The following ATP8B4 variants were observed in gnomAD, a reference collection of about 807,000 sequenced individuals.
The protein encoded by ATP8B4 is ATPase phospholipid transporting 8B4 (putative), also known as probable phospholipid-transporting ATPase IM.
In ATP8B4, 133 loss-of-function variants were observed where a neutral mutation model predicts 145.6. The ratio of observed to expected loss-of-function variants is 0.91; its 90% CI spans 0.79 to 1.05. The LOEUF (loss-of-function observed/expected upper bound fraction) is 1.05. Among genes scored for constraint, ATP8B4 ranks in the 50% least tolerant of loss-of-function variants. The pLI is 0.00. For synonymous variants in ATP8B4, 507 were observed against 492.9 expected (o/e 1.03, Z -0.38); for missense variants, 1,458 against 1,425.2 (o/e 1.02, Z -0.37).
chr15:49,996,091 G>A (rs1418269769), intron 9 of ATP8B4, among the ~76,000 whole-genome samples: 20 of 152,182 alleles, frequency 1.3e-4, no homozygotes, highest in African/African-American at 3.9e-4. Context: ...ACTGAAGATC[G>A]GGGACCAGCT....
chr15:49,994,951 G>A (rs187741350), intron 9 of ATP8B4, among the ~76,000 whole-genome samples: 34 of 152,220 alleles, frequency 2.2e-4, no homozygotes, highest in African/African-American at 7.7e-4. Context: ...CTTACCCTTA[G>A]CCCAGTGCAG....
chr15:49,903,382 G>A (rs1354030565), intron 20 of ATP8B4, among the ~76,000 whole-genome samples: 1 of 152,136 alleles, frequency 6.6e-6, no homozygotes, highest in African/African-American at 2.4e-5. Flanking sequence ...TTTCCAAGCT[G>A]CGTAATGAAG....
At chr15:50,142,345 C>CTG (rs1460918589) in intron 1 of ATP8B4, among the ~76,000 whole-genome samples, 2 of 152,124 alleles carry the variant, frequency 1.3e-5, no homozygotes, top group African/African-American at 4.8e-5. Context: ...ATCCAGGACA[C>CTG]AACTCAGAGT....
intron 8 of ATP8B4, 54 bp downstream of exon 8, chr15:50,002,099 T>C: frequency 2.1e-6 from 3 of 1,414,786 alleles, no homozygotes; most frequent in South Asian, 2.5e-5. Flanking sequence ...TCTAAAGACA[T>C]TACTTTTAAA....
At chr15:49,888,338 A>G (rs952171455) in intron 23 of ATP8B4, among the ~76,000 whole-genome samples, 1 of 152,182 alleles carries the variant, frequency 6.6e-6, no homozygotes, top group Non-Finnish European at 1.5e-5. Flanking sequence ...TCACTTTCCA[A>G]ACTTTTTGTT....
chr15:50,105,231 T>C (rs2056611887), intron 2 of ATP8B4, among the ~76,000 whole-genome samples: 1 of 143,442 alleles, frequency 7.0e-6, no homozygotes, highest in African/African-American at 2.6e-5. Flanking sequence ...ACACTACCTA[T>C]TCCCCAAAAA....
At chr15:50,100,747 T>C (rs1188100429) in intron 2 of ATP8B4, among the ~76,000 whole-genome samples, 1 of 152,168 alleles carries the variant, frequency 6.6e-6, no homozygotes, top group Non-Finnish European at 1.5e-5. Context: ...CTCAGCTTTC[T>C]CTGCCAGTCA....
intron 20 of ATP8B4, chr15:49,901,662 A>G (rs1002049625): frequency 7.0e-6 from 2 of 285,478 alleles, no homozygotes; most frequent in South Asian, 6.4e-5. Flanking sequence ...GAATTCCAGG[A>G]CATCTATATA....
chr15:49,964,477 T>C (rs2413989), intron 13 of ATP8B4, among the ~76,000 whole-genome samples: 65,037 of 151,980 alleles, frequency 0.43, 15,910 homozygotes, highest in Non-Finnish European at 0.54. Flanking sequence ...TTTAGATAAA[T>C]TAAAGTCAAA....
intron 13 of ATP8B4, among the ~76,000 whole-genome samples, chr15:49,964,748 T>C (rs1215949199): frequency 6.6e-6 from 1 of 152,194 alleles, no homozygotes; most frequent in Admixed American, 6.5e-5. Flanking sequence ...AAAAATCTTG[T>C]GAAAGTCAAG....
intron 23 of ATP8B4, chr15:49,880,171 G>A (rs1268175324): frequency 6.6e-6 from 1 of 152,216 alleles, no homozygotes; most frequent in Non-Finnish European, 1.5e-5. Flanking sequence ...TAATTAGTTA[G>A]AAGGTAGTAA....
intron 1 of ATP8B4, among the ~76,000 whole-genome samples, chr15:50,130,818 C>A (rs934631655): frequency 6.6e-6 from 1 of 152,032 alleles, no homozygotes; most frequent in Non-Finnish European, 1.5e-5. Context: ...TCTTGGATTG[C>A]AATGTCTAAG....
At chr15:50,137,737 A>C (rs1029150599) in intron 1 of ATP8B4, among the ~76,000 whole-genome samples, 1 of 152,190 alleles carries the variant, frequency 6.6e-6, no homozygotes, top group Non-Finnish European at 1.5e-5. Context: ...AGTGACGCAC[A>C]TGATCCTTAG....
chr15:49,981,104 C>A, intron 11 of ATP8B4, 102 bp downstream of exon 11: 1 of 990,608 alleles, frequency 1.0e-6, no homozygotes, highest in Non-Finnish European at 1.5e-6. Context: ...CAAAAACAAA[C>A]TCCACAAGGA....
chr15:50,011,661 T>G (rs1327870350), intron 6 of ATP8B4, among the ~76,000 whole-genome samples: 1 of 152,182 alleles, frequency 6.6e-6, no homozygotes, highest in Non-Finnish European at 1.5e-5. Flanking sequence ...GACAAGTTAG[T>G]CAGGGCTGTC....
chr15:50,070,106 C>G (rs550039290), intron 3 of ATP8B4, among the ~76,000 whole-genome samples: 10 of 152,216 alleles, frequency 6.6e-5, no homozygotes, highest in South Asian at 2.1e-4. Flanking sequence ...TAGAACCATG[C>G]CTTTCATATG....
At chr15:49,871,043 T>C (rs749761641) in intron 25 of ATP8B4, among the ~76,000 whole-genome samples, 3 of 152,238 alleles carry the variant, frequency 2.0e-5, no homozygotes, top group Non-Finnish European at 4.4e-5. Context: ...CAGCTTCTAC[T>C]TATCTTTACA....
intron 2 of ATP8B4, among the ~76,000 whole-genome samples, chr15:50,099,171 T>C (rs565232373): frequency 6.6e-6 from 1 of 152,366 alleles, no homozygotes; most frequent in East Asian, 1.9e-4. Flanking sequence ...TCTAATTATG[T>C]ACTTCTTTTG....
intron 16 of ATP8B4, among the ~76,000 whole-genome samples, chr15:49,927,451 T>C (rs756899585): frequency 1.3e-5 from 2 of 152,104 alleles, no homozygotes; most frequent in Non-Finnish European, 2.9e-5. Flanking sequence ...CTTGTTATCA[T>C]GCAAAGACTT....
Sources: allele counts gnomAD v4.1 joint callset (sites outside exome capture counted in the v4.1 genomes callset), GRCh38; gene constraint gnomAD v4.1.1; transcripts MANE v1.5; gene names NCBI Gene and HGNC (gene_info 2026-07-23, HGNC 2026-07-21).